The following NCKAP5 variants were observed in gnomAD, a reference collection of about 807,000 sequenced individuals.
The protein encoded by NCKAP5 is nck-associated protein 5.
Under a neutral mutation model 167.0 loss-of-function variants are expected in NCKAP5, and 92 were observed. The ratio of observed to expected loss-of-function variants is 0.55; its 90% confidence interval spans 0.47 to 0.66. The LOEUF (loss-of-function observed/expected upper bound fraction) is 0.66. Ranked by LOEUF, NCKAP5 falls within the 30% of genes least tolerant of loss-of-function variation. The pLI is 0.00. For synonymous variants in NCKAP5, 891 were observed against 877.4 expected (o/e 1.02, Z -0.27); for missense variants, 2,378 against 2,315.0 (o/e 1.03, Z -0.56).
chr2:133,106,512 T>A (rs2081706747), intron 6 of NCKAP5, among the ~76,000 whole-genome samples: 2 of 152,000 alleles, frequency 1.3e-5, no homozygotes, highest in South Asian at 4.2e-4. Flanking sequence ...GTTCTTCCAC[T>A]CTCCAGAGGA....
intron 3 of NCKAP5, among the ~76,000 whole-genome samples, chr2:133,361,009 C>A (rs1279568858): frequency 1.3e-5 from 2 of 150,508 alleles, no homozygotes; most frequent in Non-Finnish European, 2.9e-5. Flanking sequence ...ATGGGCAGAC[C>A]CAAGCAGGAG....
intron 3 of NCKAP5, among the ~76,000 whole-genome samples, chr2:133,315,931 TATC>T (rs1272235756): frequency 6.6e-6 from 1 of 152,108 alleles, no homozygotes; most frequent in East Asian, 1.9e-4. Context: ...ATATCATAAA[TATC>T]ATGTGATTCT....
chr2:133,219,780 A>G (rs1049477966), intron 4 of NCKAP5, among the ~76,000 whole-genome samples: 1 of 152,086 alleles, frequency 6.6e-6, no homozygotes, highest in African/African-American at 2.4e-5. Context: ...TTCTTTTCTA[A>G]AACTAAGGAA....
At chr2:133,241,275 C>T (rs970356536) in intron 4 of NCKAP5, among the ~76,000 whole-genome samples, 7 of 152,268 alleles carry the variant, frequency 4.6e-5, no homozygotes, top group South Asian at 2.1e-4. Flanking sequence ...TTTCAGTCGG[C>T]AGTGTTGCTC....
At chr2:132,888,042 T>C (rs1692393758) in intron 8 of NCKAP5, among the ~76,000 whole-genome samples, 1 of 152,212 alleles carries the variant, frequency 6.6e-6, no homozygotes, top group Non-Finnish European at 1.5e-5. Flanking sequence ...TTCATGAGTA[T>C]TATTAGTCTT....
At chr2:133,489,459 AG>A (rs1365583678) in intron 3 of NCKAP5, among the ~76,000 whole-genome samples, 2 of 152,164 alleles carry the variant, frequency 1.3e-5, no homozygotes, top group Admixed American at 6.5e-5. Context: ...GATTCATGTG[AG>A]TTTCTGTATG....
chr2:133,315,556 G>A (rs550578028), intron 3 of NCKAP5, among the ~76,000 whole-genome samples: 46 of 151,856 alleles, frequency 3.0e-4, no homozygotes, highest in African/African-American at 9.7e-5. Flanking sequence ...ACATGGAGCC[G>A]TGACATCGAA....
intron 3 of NCKAP5, among the ~76,000 whole-genome samples, chr2:133,418,122 C>T (rs919836423): frequency 7.9e-5 from 12 of 152,202 alleles, no homozygotes; most frequent in Admixed American, 6.5e-4. Context: ...GCAAACTGCT[C>T]TTTACAACGG....
chr2:132,810,665 C>T (rs2105262545), intron 11 of NCKAP5, among the ~76,000 whole-genome samples: 1 of 152,094 alleles, frequency 6.6e-6, no homozygotes, highest in Non-Finnish European at 1.5e-5. Flanking sequence ...AATATTTCTC[C>T]ATTCACTTCT....
At chr2:132,713,828 C>T (rs1310285726) in intron 19 of NCKAP5, among the ~76,000 whole-genome samples, 1 of 152,146 alleles carries the variant, frequency 6.6e-6, no homozygotes, top group Non-Finnish European at 1.5e-5. Context: ...CTGGGGAAAG[C>T]TGGAAACCAA....
chr2:133,207,663 A>G (rs1480615016), intron 5 of NCKAP5, among the ~76,000 whole-genome samples: 1 of 142,146 alleles, frequency 7.0e-6, no homozygotes, highest in East Asian at 1.9e-4. Context: ...CAACGACAAC[A>G]ACAACAACAA....
In NCKAP5 at chr2:132,785,678, G is replaced by T. The variant is rs375263980; in HGVS notation, c.1133C>A (p.Ser378Tyr). The change falls in exon 14 of 20, where the codon TCT (serine) becomes TAT (tyrosine). Residue 378 changes from serine (S) to tyrosine (Y), a missense_variant. This residue lies in a region of NCKAP5 where 1,049 missense variants were observed against 1,023.4 expected (regional missense o/e 1.02). Transcript: ENST00000409261. The part of the protein sequence containing the change: ...QNWDKRLSID[S>Y]SLPSGFASPT... ...ACTAGCAAAGCCACTTGGGAGCGAAGAATCAATACTTAGCCTTTTATCCCA... is the reference window on the plus strand; with the variant it reads ...ACTAGCAAAGCCACTTGGGAGCGAATAATCAATACTTAGCCTTTTATCCCA... The T allele has an allele frequency of 1.3e-6, 2 of 1,509,272 alleles. No individual in the cohort carries two copies. Among genetic ancestry groups the T allele is most frequent in the Non-Finnish European group, 1.8e-6 (2 of 1,130,866 alleles). The allele number at this position is 1,509,272 out of a possible 1,614,324, so 93.5% of individuals were successfully genotyped here.
chr2:133,113,520 G>A (rs2081980409), intron 6 of NCKAP5, among the ~76,000 whole-genome samples: 1 of 152,158 alleles, frequency 6.6e-6, no homozygotes, highest in African/African-American at 2.4e-5. Context: ...TGAGCTTCAG[G>A]GGGCTTCACT....
intron 19 of NCKAP5, among the ~76,000 whole-genome samples, chr2:132,715,371 C>G (rs1427879254): frequency 6.6e-6 from 1 of 152,126 alleles, no homozygotes; most frequent in African/African-American, 2.4e-5. Context: ...TGGAAGAGTT[C>G]TGGCAAGGGG....
chr2:133,650,228 G>A, the NCKAP5 span, among the ~76,000 whole-genome samples: 1 of 151,998 alleles, frequency 6.6e-6, no homozygotes, highest in Non-Finnish European at 1.5e-5. Context: ...ACAAACAAAT[G>A]AAAAGATATC....
chr2:133,473,836 C>G (rs994219258), intron 3 of NCKAP5, among the ~76,000 whole-genome samples: 1 of 152,110 alleles, frequency 6.6e-6, no homozygotes, highest in Non-Finnish European at 1.5e-5. Context: ...AAGCCAGTTA[C>G]TACAGAGCTA....
chr2:133,203,984 G>A (rs752010871), intron 5 of NCKAP5, among the ~76,000 whole-genome samples: 4 of 152,142 alleles, frequency 2.6e-5, no homozygotes, highest in Non-Finnish European at 5.9e-5. Flanking sequence ...TTGGTTTTAT[G>A]TAACCTTTTG....
Position 132,783,112 on chromosome 2 carries a change from C to T in NCKAP5, c.3699G>A (p.Leu1233=). 6.2e-7 allele frequency: 1 copy of T among 1,613,764 alleles called. No individual in the cohort carries two copies. Among genetic ancestry groups the T allele is most frequent in the Non-Finnish European group, 8.5e-7 (1 of 1,179,812 alleles). The change falls in exon 14 of 20, where the codon TTG becomes TTA. Residue 1233 remains leucine (L), a synonymous_variant. Transcript: ENST00000409261. Reference sequence around the variant, plus strand: ...CATCACTCCCAGGGATGCTACTTTCCAATGGCTCTTGTAGTGCTGTTTCCA... The same window carrying T: ...CATCACTCCCAGGGATGCTACTTTCTAATGGCTCTTGTAGTGCTGTTTCCA... ...LPLETALQEP[L]ESSIPGSDGR... is the part of the protein sequence containing the mutation.
the NCKAP5 span, among the ~76,000 whole-genome samples, chr2:133,606,375 C>T: frequency 2.0e-5 from 3 of 152,172 alleles, no homozygotes; most frequent in Non-Finnish European, 4.4e-5. Context: ...TTACCGAACA[C>T]CCCCTGAAAT....
Sources: allele counts gnomAD v4.1 joint callset (sites outside exome capture counted in the v4.1 genomes callset), GRCh38; gene constraint gnomAD v4.1.1; regional missense constraint gnomAD v4.1.1; transcripts MANE v1.5; gene names NCBI Gene and HGNC (gene_info 2026-07-23, HGNC 2026-07-21).